The following SORL1 variants were observed in gnomAD, a reference collection of about 807,000 sequenced individuals.
SORL1 encodes sortilin-related receptor.
A neutral mutation model predicts 273.7 loss-of-function variants in SORL1; 127 were observed. The ratio of observed to expected loss-of-function variants is 0.46; its 90% confidence interval spans 0.40 to 0.54. The LOEUF is 0.54. Ranked by LOEUF, SORL1 falls within the 20% of genes least tolerant of loss-of-function variation. The pLI, the probability that SORL1 is intolerant of heterozygous loss-of-function variation, is 0.00. For synonymous variants in SORL1, 1,031 were observed against 1,067.4 expected, an observed-to-expected ratio of 0.97 and a Z score of 0.66; for missense variants, 2,494 against 2,846.1, an observed-to-expected ratio of 0.88 and a Z score of 2.81.
At chr11:121,537,972 G>C (rs1862290027) in intron 12 of SORL1, among the ~76,000 whole-genome samples, 1 of 152,132 alleles carries the variant, frequency 6.6e-6, no homozygotes, top group South Asian at 2.1e-4. Flanking sequence ...ATATTCTATA[G>C]ATCCTCAATC....
rs779990103 is a variant in SORL1, at chr11:121,612,852, C to G, written c.5419+20C>G. The G allele has an allele frequency of 1.3e-6, 2 of 1,563,964 alleles. No individual in the cohort carries two copies. Among genetic ancestry groups the G allele is most frequent in the Non-Finnish European group, 1.8e-6 (2 of 1,135,118 alleles). On this transcript the variant is annotated intron_variant, in intron 40 of 47. Coordinates refer to ENST00000260197, the MANE Select transcript of SORL1 (RefSeq NM_003105.6). The stretch of plus-strand genomic sequence containing the variant: ...ACAAAGGTAACACTTTGGTGCTGGT[C>G]AGTGTGTGTGCAGGAAGGGGTAAGG...
intron 1 of SORL1, among the ~76,000 whole-genome samples, chr11:121,463,260 A>ATT (rs11446353): frequency 1.1e-3 from 170 of 149,726 alleles, no homozygotes; most frequent in Admixed American, 6.9e-3. Flanking sequence ...TATTTTCCTC[A>ATT]TTTTTTTTTT....
chr11:121,514,321 G>A lies in SORL1; in HGVS notation c.1211G>A (p.Arg404Lys). The part of the protein sequence containing the change: ...PGGAGSDTLV[R>K]YFANEPFADF... ...GGGGCCGGCAGTGACACCTTGGTGA[G>A]GTAAGGAGACTGTGAGTCCTTCTCC... The change falls in exon 8 of 48, where the codon AGG becomes AAG. Residue 404 changes from arginine to lysine, a missense_variant and splice_region_variant. By Grantham distance (26) the Arg-to-Lys change is conservative. Around this residue, in one of 3 missense-constraint regions of SORL1, gnomAD observed 710 missense variants for 882.5 expected, o/e 0.80. Transcript: ENST00000260197. 1.2e-6 allele frequency: 2 copies of A among 1,612,188 alleles called. No homozygotes were observed. The highest frequency in any genetic ancestry group is 1.7e-6 in the Non-Finnish European group (2 of 1,179,330).
In SORL1 at chr11:121,520,882, A is replaced by G. The variant is rs375420412; in HGVS notation, c.1404+33A>G. 569 of 1,492,888 alleles carry G rather than the reference A, an allele frequency of 3.8e-4. 1 individual carries two copies. The highest frequency in any genetic ancestry group is 5.0e-4 in the Non-Finnish European group (550 of 1,106,840). The allele number at this position is 1,492,888 out of a possible 1,614,324, so 92.5% of individuals were successfully genotyped here. ...TGCTTTAATCTTCTTTTGCTTTTTA[A>G]TATAAAGGAAAGAGCCCTGCTCTGT... On this transcript the variant is annotated intron_variant, in intron 9 of 47. Coordinates refer to ENST00000260197, the MANE Select transcript of SORL1 (RefSeq NM_003105.6).
Position 121,554,071 on chromosome 11 carries a change from T to C in SORL1, c.2401T>C (p.Cys801Arg), listed in dbSNP as rs762365011. Residue 801 changes from cysteine to arginine, a missense_variant, in exon 17 of 48, where the codon TGT becomes CGT. Cys to Arg is a radical substitution (Grantham distance 180, BLOSUM62 -3). Coordinates refer to ENST00000260197, the MANE Select transcript of SORL1 (RefSeq NM_003105.6). The surrounding 1 kb of genome is among the most constrained non-coding windows in gnomAD (Gnocchi z 4.6). ...CCTGGACTTTGACTATGAGCACAAC[T>C]GTTTGTATTGGTCCGACCTGGCCTT... ...VALDFDYEHN[C>R]LYWSDLALDV... 7 of 1,614,038 alleles carry C rather than the reference T, an allele frequency of 4.3e-6. No homozygotes were observed. Among genetic ancestry groups the C allele is most frequent in the African/African-American group, 1.3e-5 (1 of 74,916 alleles).
chr11:121,529,377 CG>C (rs900960810), intron 11 of SORL1, among the ~76,000 whole-genome samples: 1 of 151,892 alleles, frequency 6.6e-6, no homozygotes, highest in Non-Finnish European at 1.5e-5. Context: ...CCACCACACC[CG>C]GCTAATTTTT....
intron 31 of SORL1, among the ~76,000 whole-genome samples, chr11:121,593,044 A>T (rs925144882): frequency 1.3e-5 from 2 of 152,174 alleles, no homozygotes; most frequent in Non-Finnish European, 2.9e-5. Context: ...TAACTGGCTT[A>T]TTAACCTCAT....
rs765445124 is a variant in SORL1 at position 121,520,640 on chromosome 11, T to G, written c.1212-17T>G. The G allele has an allele frequency of 2.7e-5, 42 of 1,532,874 alleles. No individual in the cohort carries two copies. In the South Asian group the frequency reaches 5.1e-4, roughly 19 times the overall value. The allele number at this position is 1,532,874 out of a possible 1,614,324, so 95.0% of individuals were successfully genotyped here. A position where few individuals can be genotyped will look rare whatever the true frequency, so the allele number is the denominator to read the frequency against. Reference sequence around the variant, plus strand: ...AATACCAATTCAGGTTCATAGCTGTTTATTTTCATATTGTAGGTATTTTGC... The same window carrying G: ...AATACCAATTCAGGTTCATAGCTGTGTATTTTCATATTGTAGGTATTTTGC... On this transcript the variant is annotated splice_polypyrimidine_tract_variant and intron_variant, in intron 8 of 47. Transcript: ENST00000260197.
At chr11:121,549,284 G>A (rs1019899194) in intron 14 of SORL1, among the ~76,000 whole-genome samples, 8 of 152,096 alleles carry the variant, frequency 5.3e-5, no homozygotes, top group African/African-American at 7.2e-5. Context: ...GTGCAGTGGC[G>A]CAATCACGGC....
chr11:121,621,816 T>C (rs1863727605), intron 44 of SORL1, among the ~76,000 whole-genome samples: 2 of 152,216 alleles, frequency 1.3e-5, no homozygotes, highest in Non-Finnish European at 2.9e-5. Flanking sequence ...CCATGTGCCA[T>C]TGTCACTCCA....
At chr11:121,602,918 G>T (rs1431749734) in intron 32 of SORL1, among the ~76,000 whole-genome samples, 1 of 152,166 alleles carries the variant, frequency 6.6e-6, no homozygotes, top group East Asian at 1.9e-4. Flanking sequence ...CAGGGTGCGG[G>T]GAGCAGAATG....
At chr11:121,506,902 G>C (rs1199349134) in intron 6 of SORL1, among the ~76,000 whole-genome samples, 1 of 150,892 alleles carries the variant, frequency 6.6e-6, no homozygotes, top group African/African-American at 2.4e-5. Flanking sequence ...GCCTTTTTTT[G>C]TATTAAATAC....
At chr11:121,500,537 G>T (rs143939250) in intron 6 of SORL1, among the ~76,000 whole-genome samples, 102 of 152,326 alleles carry the variant, frequency 6.7e-4, no homozygotes, top group African/African-American at 2.4e-3. Flanking sequence ...GTCTAAGGTT[G>T]CTTTCATGCC....
chr11:121,561,790 C>A (rs1283309855), intron 21 of SORL1, among the ~76,000 whole-genome samples: 1 of 151,664 alleles, frequency 6.6e-6, no homozygotes, highest in Non-Finnish European at 1.5e-5. Flanking sequence ...TTGGCCATGG[C>A]CAGTTGTCGC....
At chr11:121,515,290 T>A (rs114748285) in intron 8 of SORL1, among the ~76,000 whole-genome samples, 145 of 152,200 alleles carry the variant, frequency 9.5e-4, no homozygotes, top group African/African-American at 3.3e-3. Context: ...GTGATCTGCC[T>A]GGTAACATGT....
chr11:121,562,019 G>C (rs1412587585), intron 21 of SORL1, among the ~76,000 whole-genome samples: 1 of 152,090 alleles, frequency 6.6e-6, no homozygotes, highest in African/African-American at 2.4e-5. Flanking sequence ...CCTTGAACTT[G>C]TTTGCTCTAA....
chr11:121,487,822 G>A (rs544014423), intron 3 of SORL1, among the ~76,000 whole-genome samples: 3 of 152,254 alleles, frequency 2.0e-5, no homozygotes, highest in South Asian at 4.1e-4. Context: ...GCCTCCTTTC[G>A]CTGAGCCTTG....
chr11:121,559,547 A>G lies in SORL1; in HGVS notation c.2939A>G (p.Gln980Arg), dbSNP rs994533093. 3.1e-6 allele frequency: 5 copies of G among 1,614,014 alleles called. No individual in the cohort carries two copies. Among genetic ancestry groups the G allele is most frequent in the Non-Finnish European group, 4.2e-6 (5 of 1,180,012 alleles). Residue 980 changes from glutamine (Q) to arginine (R), a missense_variant, in exon 21 of 48, where the codon CAG (glutamine) becomes CGG (arginine). By Grantham distance (43) the Gln-to-Arg change is conservative. Around this residue, in one of 3 missense-constraint regions of SORL1, gnomAD observed 1,609 missense variants for 1,816.4 expected, o/e 0.89. Coordinates refer to ENST00000260197, the MANE Select transcript of SORL1 (RefSeq NM_003105.6). ...GAAATCTACTGGGATGACTGGTCAC[A>G]GCTCAGCATATTCCGAGCTTCCAAA... ...KNEIYWDDWS[Q>R]LSIFRASKYS...
At position 121,633,308 on chromosome 11, in the gene SORL1, A is replaced by G. The variant is rs1863901313; in HGVS notation, c.*3745A>G. On this transcript the variant is annotated 3_prime_UTR_variant, in exon 48 of 48. Transcript: ENST00000260197. ...GTCACAGCCAAGTAATAACCCAAGA[A>G]TGGTATGAGTTTCATGTGTAATAGC... The G allele has an allele frequency of 6.6e-6, 1 of 152,188 alleles. No homozygotes were observed. The highest frequency in any genetic ancestry group is 1.5e-5 in the Non-Finnish European group (1 of 68,030). 9.4% of individuals were successfully genotyped at this position (152,188 alleles called of 1,614,324 possible).
Sources: gnomAD v4.1 joint callset for allele counts (sites outside exome capture counted in the v4.1 genomes callset) on GRCh38, gnomAD v4.1.1 for gene constraint, gnomAD v4.1.1 regional missense constraint, Gnocchi (gnomAD v3.1) non-coding constraint, MANE v1.5 for transcripts, NCBI Gene and HGNC (gene_info 2026-07-23, HGNC 2026-07-21) for gene names.